The following CADPS variants were observed in gnomAD, a reference collection of about 807,000 sequenced individuals.
CADPS encodes calcium-dependent secretion activator 1.
CADPS carries 57 observed loss-of-function variants against 167.3 expected under a neutral mutation model. That is an observed-to-expected ratio of 0.34 (90% CI 0.28 to 0.42). CADPS has a LOEUF of 0.42. Among genes scored for constraint, CADPS ranks in the 20% least tolerant of loss-of-function variants. The pLI is 1.00. For synonymous variants in CADPS, 676 were observed against 635.3 expected, an observed-to-expected ratio of 1.06 and a Z score of -0.96; for missense variants, 1,414 against 1,738.1, an observed-to-expected ratio of 0.81 and a Z score of 3.32.
At chr3:62,600,158 T>C (rs970425070) in intron 6 of CADPS, among the ~76,000 whole-genome samples, 1 of 148,616 alleles carries the variant, frequency 6.7e-6, no homozygotes, top group African/African-American at 2.5e-5. Context: ...TTCTTTCTTT[T>C]TTTTTTTTTT....
chr3:62,720,355 C>T (rs1208560834), intron 3 of CADPS, among the ~76,000 whole-genome samples: 1 of 124,908 alleles, frequency 8.0e-6, no homozygotes, highest in Non-Finnish European at 1.7e-5. Context: ...TTTTTTGAAA[C>T]ACGGTATCGC....
chr3:62,789,247 C>T (rs1025529291), intron 1 of CADPS, among the ~76,000 whole-genome samples: 41 of 152,056 alleles, frequency 2.7e-4, no homozygotes, highest in African/African-American at 8.7e-4. Flanking sequence ...CTTGACAATA[C>T]TGAGAAATAA....
chr3:62,479,408 A>G (rs1207374923), intron 22 of CADPS, among the ~76,000 whole-genome samples: 1 of 152,252 alleles, frequency 6.6e-6, no homozygotes, highest in African/African-American at 2.4e-5. Context: ...ACAGTAATTT[A>G]TAAAATGTCC....
At chr3:62,831,748 C>T (rs937635127) in intron 1 of CADPS, among the ~76,000 whole-genome samples, 1 of 152,160 alleles carries the variant, frequency 6.6e-6, no homozygotes, top group Non-Finnish European at 1.5e-5. Flanking sequence ...GGAAAAATCA[C>T]TACATAAAAA....
At chr3:62,533,298 C>A (rs2074086708) in intron 12 of CADPS, among the ~76,000 whole-genome samples, 1 of 152,204 alleles carries the variant, frequency 6.6e-6, no homozygotes, top group Non-Finnish European at 1.5e-5. Flanking sequence ...TCAAGAAGGG[C>A]ATAAAATTTT....
At chr3:62,659,388 G>C (rs537846219) in intron 4 of CADPS, among the ~76,000 whole-genome samples, 1 of 152,278 alleles carries the variant, frequency 6.6e-6, no homozygotes, top group Non-Finnish European at 1.5e-5. Flanking sequence ...TAGCCAGGCT[G>C]GTTTAGGCAA....
chr3:62,693,708 C>A (rs1014462599), intron 3 of CADPS, among the ~76,000 whole-genome samples: 3 of 151,284 alleles, frequency 2.0e-5, no homozygotes, highest in Admixed American at 2.0e-4. Context: ...TCACTTGAAC[C>A]CAGGAGGCAG....
At chr3:62,769,658 C>T (rs981563342) in intron 1 of CADPS, among the ~76,000 whole-genome samples, 14 of 152,100 alleles carry the variant, frequency 9.2e-5, no homozygotes, top group Admixed American at 3.3e-4. Context: ...AGGTGGAGGT[C>T]GCTGTTTTCT....
chr3:62,499,896 G>A (rs1424144803), intron 17 of CADPS: 1 of 152,140 alleles, frequency 6.6e-6, no homozygotes, highest in Non-Finnish European at 1.5e-5. Flanking sequence ...GCTACTGGTT[G>A]TTACAATTGA....
At chr3:62,838,844 A>G (rs934871283) in intron 1 of CADPS, among the ~76,000 whole-genome samples, 3 of 152,180 alleles carry the variant, frequency 2.0e-5, no homozygotes, top group African/African-American at 7.2e-5. Flanking sequence ...TGAGCAAATC[A>G]TTTGAGGAAT....
At chr3:62,834,101 TAA>T (rs1254004232) in intron 1 of CADPS, among the ~76,000 whole-genome samples, 1 of 152,174 alleles carries the variant, frequency 6.6e-6, no homozygotes, top group Non-Finnish European at 1.5e-5. Flanking sequence ...TGCGTATCAG[TAA>T]AAGTCATGTT....
At chr3:62,681,177 C>T (rs1488133651) in intron 3 of CADPS, among the ~76,000 whole-genome samples, 3 of 152,052 alleles carry the variant, frequency 2.0e-5, no homozygotes, top group Non-Finnish European at 4.4e-5. Flanking sequence ...TAACAGACTC[C>T]TCCCCTACTC....
At chr3:62,592,124 C>T (rs1245345753) in intron 7 of CADPS, among the ~76,000 whole-genome samples, 21 of 152,170 alleles carry the variant, frequency 1.4e-4, no homozygotes, top group Admixed American at 1.4e-3. Flanking sequence ...ATCCACACCC[C>T]ACAGTGGATT....
chr3:62,724,484 C>A (rs2076383938), intron 3 of CADPS, among the ~76,000 whole-genome samples: 1 of 152,144 alleles, frequency 6.6e-6, no homozygotes, highest in Admixed American at 6.6e-5. Flanking sequence ...AAAATTCCTA[C>A]TATTTACTAT....
chr3:62,520,168 G>A (rs747432847), intron 13 of CADPS, among the ~76,000 whole-genome samples: 1 of 152,140 alleles, frequency 6.6e-6, no homozygotes, highest in Admixed American at 6.6e-5. Context: ...TGAAGAGCCA[G>A]GATATTTGTG....
intron 3 of CADPS, among the ~76,000 whole-genome samples, chr3:62,671,215 C>T (rs550206655): frequency 6.6e-6 from 1 of 152,056 alleles, no homozygotes; most frequent in East Asian, 1.9e-4. Context: ...AAGGTTAAGG[C>T]CATAATGTAT....
chr3:62,665,568 G>T (rs1579987483), intron 3 of CADPS, among the ~76,000 whole-genome samples: 1 of 152,164 alleles, frequency 6.6e-6, no homozygotes, highest in Admixed American at 6.5e-5. Flanking sequence ...AATTGATCCT[G>T]ACAGTTAACT....
intron 3 of CADPS, among the ~76,000 whole-genome samples, chr3:62,663,617 A>C (rs1424376300): frequency 6.4e-5 from 7 of 108,658 alleles, no homozygotes; most frequent in African/African-American, 2.2e-4. Flanking sequence ...CCTCCAAAAA[A>C]AAAAAAAAAA....
At chr3:62,573,807 C>T (rs1179629128) in intron 8 of CADPS, among the ~76,000 whole-genome samples, 4 of 152,132 alleles carry the variant, frequency 2.6e-5, no homozygotes, top group Non-Finnish European at 4.4e-5. Context: ...TTTATTGTTC[C>T]TACTGAACTG....
Sources: allele counts gnomAD v4.1 joint callset (sites outside exome capture counted in the v4.1 genomes callset), GRCh38; gene constraint gnomAD v4.1.1; transcripts MANE v1.5; gene names NCBI Gene and HGNC (gene_info 2026-07-23, HGNC 2026-07-21).